CACNA2D3: variants seen among roughly 807,000 people sequenced by gnomAD.
CACNA2D3 encodes the protein voltage-dependent calcium channel subunit alpha-2/delta-3.
A neutral mutation model predicts 160.6 loss-of-function variants in CACNA2D3; 60 were observed. That is an observed-to-expected ratio of 0.37 (90% CI 0.30 to 0.46). The LOEUF is 0.46. Among genes scored for constraint, CACNA2D3 ranks in the 20% least tolerant of loss-of-function variants. The pLI is 1.00. For synonymous variants in CACNA2D3, 558 were observed against 492.9 expected, an observed-to-expected ratio of 1.13 and a Z score of -1.75; for missense variants, 1,205 against 1,365.0, an observed-to-expected ratio of 0.88 and a Z score of 1.85.
intron 3 of CACNA2D3, among the ~76,000 whole-genome samples, chr3:54,355,050 A>G (rs1001829050): frequency 4.6e-5 from 7 of 152,330 alleles, no homozygotes; most frequent in Admixed American, 3.3e-4. Flanking sequence ...TAGTCATGGC[A>G]TGTGTTTGTG....
rs116743869 is a variant in CACNA2D3 at position 54,619,171 on chromosome 3, T to G, written c.964-8616T>G. Among the ~76,000 whole-genome samples the G allele has an allele frequency of 6.2e-3, 943 of 152,258 alleles. 7 individuals are homozygous for G. The highest frequency in any genetic ancestry group is 0.021 in the African/African-American group (853 of 41,560). On this transcript the variant is annotated intron_variant, in intron 9 of 37. Transcript: ENST00000474759. ...CTTTCAGGGGTTCGCAAAGCTTAGT[T>G]CCCTGAGATGCACTGACAAGTCCAC...
chr3:54,785,951 A>C (rs1702633426), intron 13 of CACNA2D3, among the ~76,000 whole-genome samples: 1 of 152,144 alleles, frequency 6.6e-6, no homozygotes. Context: ...TTCACTCTTA[A>C]CACTTCCAGC....
In CACNA2D3 at chr3:54,478,752, C is replaced by T. The variant is rs552374206; in HGVS notation, c.382-24740C>T. On this transcript the variant is annotated intron_variant, in intron 4 of 37. Coordinates refer to ENST00000474759, the MANE Select transcript of CACNA2D3 (RefSeq NM_018398.3). ...ATCTTCCCTTTGTCAGGTGTATCCACGCTGTCTACACTACTCACCCATTAG... is the reference window on the plus strand; with the variant it reads ...ATCTTCCCTTTGTCAGGTGTATCCATGCTGTCTACACTACTCACCCATTAG... Among the ~76,000 whole-genome samples the T allele has an allele frequency of 1.9e-4, 21 of 111,428 alleles. 1 individual carries two copies. In the South Asian group the frequency reaches 5.8e-3, roughly 31 times the overall value. 73.1% of individuals were successfully genotyped at this position (111,428 alleles called of 152,430 possible). A position where few individuals can be genotyped will look rare whatever the true frequency, so the allele number is the denominator to read the frequency against.
At chr3:54,778,069 C>T (rs764819651) in intron 13 of CACNA2D3, among the ~76,000 whole-genome samples, 1 of 152,192 alleles carries the variant, frequency 6.6e-6, no homozygotes, top group Non-Finnish European at 1.5e-5. Flanking sequence ...CTCCAGTGAA[C>T]ATCTCAGTCT....
In CACNA2D3 at chr3:54,816,864, A is replaced by G. The variant is rs543016116; in HGVS notation, c.1392A>G (p.Ala464=). ...TTTTCCCCCTTCAGCTCCCTCAGGC[A>G]CAAAAGGTAAATTCTCTTCTGTCAC... ...EAYIDSTLPQ[A]QKLTDDQGPV... Residue 464 remains alanine, a synonymous_variant, in exon 14 of 38, where the codon GCA becomes GCG. Transcript: ENST00000474759. 1.9e-6 allele frequency: 3 copies of G among 1,613,824 alleles called. No homozygotes were observed. The highest frequency in any genetic ancestry group is 8.5e-7 in the Non-Finnish European group (1 of 1,179,850).
chr3:54,957,523 A>G (rs924836050), intron 27 of CACNA2D3, among the ~76,000 whole-genome samples: 8 of 152,216 alleles, frequency 5.3e-5, no homozygotes, highest in Non-Finnish European at 8.8e-5. Context: ...AATATGTTTC[A>G]TTAAATAATT....
chr3:54,732,387 G>C (rs574173836), intron 11 of CACNA2D3, among the ~76,000 whole-genome samples: 2 of 152,348 alleles, frequency 1.3e-5, no homozygotes, highest in East Asian at 3.9e-4. Flanking sequence ...GCCCATGACT[G>C]ACTTTAAGGG....
At chr3:54,203,520 T>G (rs1701213549) in intron 2 of CACNA2D3, among the ~76,000 whole-genome samples, 1 of 152,204 alleles carries the variant, frequency 6.6e-6, no homozygotes, top group Admixed American at 6.5e-5. Flanking sequence ...GGTTCTTGCC[T>G]TGGTATACTG....
intron 13 of CACNA2D3, among the ~76,000 whole-genome samples, chr3:54,811,908 C>T (rs1559591561): frequency 6.6e-6 from 1 of 152,166 alleles, no homozygotes; most frequent in African/African-American, 2.4e-5. Flanking sequence ...TCAACATCTG[C>T]AGAATTAGAG....
intron 27 of CACNA2D3, chr3:54,918,526 G>T (rs1368788558): frequency 6.2e-7 from 1 of 1,613,686 alleles, no homozygotes; most frequent in Non-Finnish European, 8.5e-7. Context: ...TTGAGCCAAG[G>T]GTCCCCCATG....
intron 4 of CACNA2D3, among the ~76,000 whole-genome samples, chr3:54,443,092 G>A: frequency 6.6e-6 from 1 of 152,190 alleles, no homozygotes; most frequent in Non-Finnish European, 1.5e-5. Context: ...CTCACAGTAG[G>A]TGCTGAATAA....
At chr3:54,385,964 G>A (rs1313662121) in intron 3 of CACNA2D3, 2 of 506,368 alleles carry the variant, frequency 3.9e-6, no homozygotes, top group Non-Finnish European at 7.8e-6. Context: ...TATTTTCAAG[G>A]TGGGAAATAT....
intron 4 of CACNA2D3, among the ~76,000 whole-genome samples, chr3:54,471,437 C>T (rs998816402): frequency 6.6e-6 from 1 of 152,114 alleles, no homozygotes; most frequent in African/African-American, 2.4e-5. Flanking sequence ...TAAATGCCCA[C>T]AGGAGAAAGC....
chr3:54,599,993 T>G (rs1043092450), intron 9 of CACNA2D3, among the ~76,000 whole-genome samples: 2 of 152,210 alleles, frequency 1.3e-5, no homozygotes, highest in Non-Finnish European at 2.9e-5. Flanking sequence ...GGCATAAGTC[T>G]GCTGGCACAG....
chr3:54,744,295 G>T (rs539095562), intron 11 of CACNA2D3, among the ~76,000 whole-genome samples: 68 of 152,184 alleles, frequency 4.5e-4, no homozygotes, highest in Admixed American at 9.2e-4. Flanking sequence ...TTTTGATTTT[G>T]AGGAATTTAT....
intron 14 of CACNA2D3, among the ~76,000 whole-genome samples, chr3:54,817,102 A>T (rs945508030): frequency 6.6e-6 from 1 of 152,202 alleles, no homozygotes; most frequent in Non-Finnish European, 1.5e-5. Context: ...TTGGGAGGTG[A>T]ATCTGTGCCC....
intron 11 of CACNA2D3, among the ~76,000 whole-genome samples, chr3:54,673,033 C>T (rs1700186858): frequency 1.3e-5 from 2 of 152,122 alleles, no homozygotes; most frequent in African/African-American, 4.8e-5. Context: ...CTGTGTTTTA[C>T]AAGATTCTGA....
At chr3:55,062,474 C>T (rs1245899883) in intron 35 of CACNA2D3, among the ~76,000 whole-genome samples, 5 of 152,106 alleles carry the variant, frequency 3.3e-5, no homozygotes, top group African/African-American at 1.2e-4. Flanking sequence ...AAGGAGGTCT[C>T]TGCCTTGCTC....
intron 2 of CACNA2D3, among the ~76,000 whole-genome samples, chr3:54,203,764 C>G (rs569934001): frequency 3.3e-5 from 5 of 152,024 alleles, no homozygotes; most frequent in Admixed American, 2.0e-4. Flanking sequence ...CGTGCTTCCT[C>G]GATGTCCTCT....
Sources: gnomAD v4.1 joint callset for allele counts (sites outside exome capture counted in the v4.1 genomes callset) on GRCh38, gnomAD v4.1.1 for gene constraint, MANE v1.5 for transcripts, NCBI Gene and HGNC (gene_info 2026-07-23, HGNC 2026-07-21) for gene names.